The following ELL variants were observed in gnomAD, a reference collection of about 807,000 sequenced individuals.
ELL encodes RNA polymerase II elongation factor ELL.
ELL carries 18 observed loss-of-function variants against 64.0 expected under a neutral mutation model. The ratio of observed to expected loss-of-function variants is 0.28; its 90% CI spans 0.19 to 0.42. The LOEUF (loss-of-function observed/expected upper bound fraction) is 0.42. Among genes scored for constraint, ELL ranks in the 10% least tolerant of loss-of-function variants. The pLI, the probability that ELL is intolerant of heterozygous loss-of-function variation, is 1.00. For synonymous variants in ELL, 399 were observed against 376.2 expected, an observed-to-expected ratio of 1.06 and a Z score of -0.70; for missense variants, 797 against 870.4, an observed-to-expected ratio of 0.92 and a Z score of 1.06.
rs759131749 is a variant in ELL at position 18,443,613 on chromosome 19, GCCC to G, written c.*1136_*1138del. The G allele has an allele frequency of 3.9e-5, 9 of 233,302 alleles. No individual in the cohort carries two copies. Among genetic ancestry groups the G allele is most frequent in the Admixed American group, 1.7e-4 (3 of 17,774 alleles). 14.5% of individuals were successfully genotyped at this position (233,302 alleles called of 1,614,324 possible). On this transcript the variant is annotated 3_prime_UTR_variant, in exon 12 of 12. Transcript: ENST00000262809. ...ACACTCACACACCCACACTTGCGTG[GCCC>G]CCCGATGCTTTGGGGGACACTAGAC... is the stretch of plus-strand genomic sequence containing the variant.
intron 1 of ELL, among the ~76,000 whole-genome samples, chr19:18,496,971 G>A (rs896709175): frequency 5.3e-5 from 8 of 152,178 alleles, no homozygotes; most frequent in East Asian, 1.9e-4. Flanking sequence ...AAAATGGTGC[G>A]GCCTCAACAG....
chr19:18,489,387 TG>T (rs1975481137), intron 1 of ELL, among the ~76,000 whole-genome samples: 1 of 152,232 alleles, frequency 6.6e-6, no homozygotes, highest in Admixed American at 6.5e-5. Context: ...GACCTCGGGC[TG>T]GCCGCCCCGG....
intron 4 of ELL, among the ~76,000 whole-genome samples, chr19:18,463,285 A>AG (rs1014521345): frequency 7.6e-6 from 1 of 131,922 alleles, no homozygotes; most frequent in Admixed American, 7.9e-5. Flanking sequence ...GAGCAACCTG[A>AG]GGGGGGCACT....
intron 2 of ELL, among the ~76,000 whole-genome samples, chr19:18,466,589 G>C (rs931530939): frequency 6.6e-6 from 1 of 152,302 alleles, no homozygotes; most frequent in South Asian, 2.1e-4. Flanking sequence ...CTGGGAGGAC[G>C]GACAGCCAGG....
Position 18,449,113 on chromosome 19 carries a change from G to A in ELL, c.1465+1364C>T, listed in dbSNP as rs1011309290. 6.6e-6 allele frequency among the ~76,000 whole-genome samples: 1 copy of A among 152,070 alleles called. No homozygotes were observed. The highest frequency in any genetic ancestry group is 2.1e-4 in the South Asian group (1 of 4,820). On this transcript the variant is annotated intron_variant, in intron 8 of 11. Coordinates refer to ENST00000262809, the MANE Select transcript of ELL (RefSeq NM_006532.4). The surrounding 1 kb of genome is among the most constrained non-coding windows in gnomAD (Gnocchi z 4.4). ...TAGAGATGACAGCCCCTGGGCCGGG[G>A]ATGAACTGCCTAGGGGCCAACACGC...
chr19:18,491,156 C>T (rs1163007451), intron 1 of ELL, among the ~76,000 whole-genome samples: 1 of 151,632 alleles, frequency 6.6e-6, no homozygotes, highest in Non-Finnish European at 1.5e-5. Context: ...GATCACAGCT[C>T]GCTGCAGCCT....
intron 4 of ELL, among the ~76,000 whole-genome samples, chr19:18,464,137 G>C (rs527509250): frequency 6.6e-6 from 1 of 152,244 alleles, no homozygotes; most frequent in South Asian, 2.1e-4. Flanking sequence ...GGGAGGCCCA[G>C]GCGAAAGGAT....
At position 18,461,707 on chromosome 19, in the gene ELL, C is replaced by G. The variant is rs1359829638; in HGVS notation, c.615G>C (p.Arg205Ser). The G allele has an allele frequency of 6.2e-7, 1 of 1,613,644 alleles. No homozygotes were observed. The highest frequency in any genetic ancestry group is 8.5e-7 in the Non-Finnish European group (1 of 1,179,958). Residue 205 changes from arginine to serine, a missense_variant, in exon 5 of 12, where the codon AGG becomes AGC. By Grantham distance (110) the Arg-to-Ser change is moderately radical (BLOSUM62 -1). Transcript: ENST00000262809. ...AVSGGSGVSQRPFRDRVLHLL... is the reference protein window; with the variant it reads ...AVSGGSGVSQSPFRDRVLHLL... Reference sequence around the variant, plus strand: ...GGTGCAGCACTCGGTCACGGAAGGGCCTCTGGGACACCCCGCTGCCCCCAC... The same window carrying G: ...GGTGCAGCACTCGGTCACGGAAGGGGCTCTGGGACACCCCGCTGCCCCCAC...
rs72993305 is a variant in ELL, at chr19:18,518,853, A to G, written c.135+3068T>C. Reference sequence around the variant, plus strand: ...AGGTAGAGTGAGAAGGCCAGCAGCTATGTGTACTGCTGCGCCTTTACCTTC... The same window carrying G: ...AGGTAGAGTGAGAAGGCCAGCAGCTGTGTGTACTGCTGCGCCTTTACCTTC... On this transcript the variant is annotated intron_variant, in intron 1 of 11. Transcript: ENST00000262809. 2.1e-3 allele frequency among the ~76,000 whole-genome samples: 313 copies of G among 151,980 alleles called. 2 individuals carry two copies. The Middle Eastern group carries it at 0.024, about 12-fold the overall frequency.
intron 2 of ELL, among the ~76,000 whole-genome samples, chr19:18,469,881 T>C (rs887441193): frequency 2.2e-4 from 33 of 152,192 alleles, no homozygotes; most frequent in Admixed American, 2.0e-3. Flanking sequence ...AGACAGGAGC[T>C]TGGGCGATGC....
At chr19:18,452,325 A>G (rs889553913) in intron 6 of ELL, among the ~76,000 whole-genome samples, 1 of 152,174 alleles carries the variant, frequency 6.6e-6, no homozygotes, top group Non-Finnish European at 1.5e-5. Context: ...GGCCGTGGCC[A>G]TTCTGCCAGC....
chr19:18,509,593 G>GCGCGCGCGCGCGCGCGCGCGCACACA (rs1438642062), intron 1 of ELL, among the ~76,000 whole-genome samples: 1 of 83,240 alleles, frequency 1.2e-5, no homozygotes. Flanking sequence ...GCGCGCGCGC[G>GCGCGCGCGCGCGCGCGCGCGCACACA]CACATACACA....
At chr19:18,495,931 C>T (rs1026812135) in intron 1 of ELL, among the ~76,000 whole-genome samples, 3 of 152,198 alleles carry the variant, frequency 2.0e-5, no homozygotes, top group Admixed American at 6.5e-5. Context: ...AGCAGGCTCC[C>T]GCCACATGGG....
At chr19:18,462,888 TAGGCCTG>T (rs1388997337) in intron 4 of ELL, among the ~76,000 whole-genome samples, 1 of 152,162 alleles carries the variant, frequency 6.6e-6, no homozygotes, top group African/African-American at 2.4e-5. Context: ...ACCCCAGCCT[TAGGCCTG>T]GTCAAGCTCT....
intron 1 of ELL, among the ~76,000 whole-genome samples, chr19:18,482,189 C>T (rs1975313160): frequency 6.6e-6 from 1 of 150,458 alleles, no homozygotes; most frequent in Non-Finnish European, 1.5e-5. Context: ...AATCTTTATC[C>T]CATTTTTAAA....
intron 1 of ELL, among the ~76,000 whole-genome samples, chr19:18,500,730 T>C (rs937825719): frequency 2.0e-5 from 3 of 152,132 alleles, no homozygotes; most frequent in Admixed American, 6.5e-5. Context: ...GAACATACCA[T>C]TGTGCAAAAT....
intron 3 of ELL, 73 bp from the exon 4 acceptor site, chr19:18,465,648 C>T: frequency 6.8e-7 from 1 of 1,481,170 alleles, no homozygotes; most frequent in Non-Finnish European, 9.0e-7. Context: ...GGCCCAAGCC[C>T]CCAGCCCACC....
Position 18,465,471 on chromosome 19 carries a change from G to A in ELL, c.410C>T (p.Ala137Val), listed in dbSNP as rs751995324. ...ACTTCGGCTCCGCGTCTCCTCCTCCGCCTGGGCCATGCTCTGCCGCGCCTT... is the reference window on the plus strand; with the variant it reads ...ACTTCGGCTCCGCGTCTCCTCCTCCACCTGGGCCATGCTCTGCCGCGCCTT... ...YQKARQSMAQ[A>V]EEETRSRSAI... Residue 137 changes from alanine (A) to valine (V), a missense_variant, in exon 4 of 12, where the codon GCG becomes GTG. Transcript: ENST00000262809. 2.7e-5 allele frequency: 43 copies of A among 1,612,440 alleles called. No homozygotes were observed. Among genetic ancestry groups the A allele is most frequent in the South Asian group, 1.9e-4 (17 of 90,950 alleles).
chr19:18,451,759 C>T, intron 6 of ELL, 111 bp from the exon 7 acceptor site: 1 of 829,836 alleles, frequency 1.2e-6, no homozygotes. Flanking sequence ...GGACCCCCCT[C>T]CTCCCAAATC....
Sources: allele counts gnomAD v4.1 joint callset (sites outside exome capture counted in the v4.1 genomes callset), GRCh38; gene constraint gnomAD v4.1.1; non-coding constraint Gnocchi (gnomAD v3.1); transcripts MANE v1.5; gene names NCBI Gene and HGNC (gene_info 2026-07-23, HGNC 2026-07-21).